DOK4: variants seen among roughly 807,000 people sequenced by gnomAD.
The protein encoded by DOK4 is docking protein 4, also known as downstream of tyrosine kinase 4.
In DOK4, 26 loss-of-function variants were observed where a neutral mutation model predicts 40.1. The ratio of observed to expected loss-of-function variants is 0.65; its 90% CI spans 0.48 to 0.90. The LOEUF is 0.90. Ranked by LOEUF, DOK4 falls within the 40% of genes least tolerant of loss-of-function variation. DOK4 has a pLI of 0.00. For missense variants in DOK4, 392 were observed against 437.2 expected, an observed-to-expected ratio of 0.90 and a Z score of 0.92; for synonymous variants, 179 against 177.0, an observed-to-expected ratio of 1.01 and a Z score of -0.09.
chr16:57,475,223 A>C lies in DOK4; in HGVS notation c.290-4T>G. On this transcript the variant is annotated splice_region_variant and splice_polypyrimidine_tract_variant and intron_variant, in intron 4 of 8. Transcript: ENST00000340099. ...TACCACTCCTCTGCCTCTAGCTCTG[A>C]AGAAAATGCTACTTCATCATGCAGC... 6.2e-7 allele frequency: 1 copy of C among 1,611,430 alleles called. No homozygotes were observed. The highest frequency in any genetic ancestry group is 1.1e-5 in the South Asian group (1 of 90,924).
chr16:57,484,914 G>A (rs763388705), intron 1 of DOK4, among the ~76,000 whole-genome samples: 54 of 152,356 alleles, frequency 3.5e-4, no homozygotes, highest in South Asian at 1.7e-3. Flanking sequence ...CTCCCTGGTG[G>A]CTCGGCCTCG....
At chr16:57,480,642 T>C (rs1189676762) in intron 1 of DOK4, among the ~76,000 whole-genome samples, 2 of 152,076 alleles carry the variant, frequency 1.3e-5, no homozygotes, top group Non-Finnish European at 2.9e-5. Context: ...GTCAGGGCCC[T>C]GGGGCAACAA....
exon 3 of DOK4, chr16:57,475,935 A>G: frequency 1.9e-6 from 3 of 1,612,056 alleles, no homozygotes; most frequent in Non-Finnish European, 2.5e-6. Context: ...TTTCCGGAAC[A>G]CCAGCCAGCA....
chr16:57,475,468 C>T, intron 4 of DOK4, 38 bp downstream of exon 4: 1 of 1,557,638 alleles, frequency 6.4e-7, no homozygotes, highest in Non-Finnish European at 8.7e-7. Flanking sequence ...CAAGACCACC[C>T]CAGGGGAGGC....
intron 2 of DOK4, among the ~76,000 whole-genome samples, chr16:57,476,773 T>TG (rs1362721774): frequency 6.6e-6 from 1 of 152,204 alleles, no homozygotes; most frequent in East Asian, 1.9e-4. Context: ...CCACTGCTGA[T>TG]GCCCCTGTAC....
chr16:57,486,138 G>T (rs537857348), intron 1 of DOK4, among the ~76,000 whole-genome samples, 167 bp downstream of exon 1: 6 of 152,124 alleles, frequency 3.9e-5, no homozygotes, highest in South Asian at 2.1e-4. Flanking sequence ...CTGGCTTTTG[G>T]GGGGCGGGTC....
At position 57,479,886 on chromosome 16, in the gene DOK4, G is replaced by A. The variant is rs747654590; in HGVS notation, c.-181-198C>T. On this transcript the variant is annotated intron_variant, in intron 1 of 8. Transcript: ENST00000340099. The surrounding 1 kb of genome is among the most constrained non-coding windows in gnomAD (Gnocchi z 5.8). The stretch of plus-strand genomic sequence containing the variant: ...CATTCAGGAAAACCGAGGTGGAGGC[G>A]GCAGTGAGGAAAATGGTCCAGCCCA... The A allele has an allele frequency of 5.9e-5, 12 of 202,640 alleles. No homozygotes were observed. Among genetic ancestry groups the A allele is most frequent in the Non-Finnish European group, 7.1e-5 (7 of 98,752 alleles). 12.6% of individuals were successfully genotyped at this position (202,640 alleles called of 1,614,324 possible).
At chr16:57,482,052 G>C (rs1235809417) in intron 1 of DOK4, among the ~76,000 whole-genome samples, 1 of 152,146 alleles carries the variant, frequency 6.6e-6, no homozygotes, top group Admixed American at 6.5e-5. Flanking sequence ...TTTTAGTAGA[G>C]ACGGGGTTTC....
chr16:57,475,254 A>G (rs2031096586), intron 4 of DOK4, 35 bp from the exon 5 acceptor site: 7 of 1,594,988 alleles, frequency 4.4e-6, no homozygotes, highest in Non-Finnish European at 6.0e-6. Flanking sequence ...GCAGCTCCAG[A>G]GCCCGGTAGC....
exon 9 of DOK4, chr16:57,473,327 C>A (rs201543744): frequency 6.4e-7 from 1 of 1,574,216 alleles, no homozygotes. Flanking sequence ...CTGCAGCCAG[C>A]CCCGCAGCAG....
chr16:57,485,644 T>C lies in DOK4; in HGVS notation c.-182+661A>G, dbSNP rs371039502. On this transcript the variant is annotated intron_variant, in intron 1 of 8. Coordinates refer to ENST00000340099, the Ensembl canonical transcript of DOK4. The surrounding 1 kb of genome is among the most constrained non-coding windows in gnomAD (Gnocchi z 4.3). The stretch of plus-strand genomic sequence containing the variant: ...GGGCAGGCAGGCTGCACAGAGCCCC[T>C]GCTCTGCCACATCACCCAGGTGCCC... 7.2e-5 allele frequency among the ~76,000 whole-genome samples: 11 copies of C among 152,288 alleles called. No individual in the cohort carries two copies. In the East Asian group the frequency reaches 2.1e-3, roughly 29 times the overall value.
chr16:57,482,256 G>T (rs2031435624), intron 1 of DOK4, among the ~76,000 whole-genome samples: 1 of 152,102 alleles, frequency 6.6e-6, no homozygotes, highest in African/African-American at 2.4e-5. Flanking sequence ...CAACCACCCA[G>T]GCTCAAGTGA....
At chr16:57,475,433 G>A in intron 4 of DOK4, 73 bp downstream of exon 4, 2 of 1,454,874 alleles carry the variant, frequency 1.4e-6, no homozygotes, top group Non-Finnish European at 1.9e-6. Flanking sequence ...GCCCTGCTCT[G>A]CCCGCTCCTA....
exon 9 of DOK4, chr16:57,473,168 C>T (rs1355968925): frequency 1.9e-5 from 12 of 645,404 alleles, no homozygotes; most frequent in Non-Finnish European, 3.2e-5. Flanking sequence ...TATATAGTCC[C>T]ACGGTAGCTC....
chr16:57,473,273 T>C, exon 9 of DOK4: 2 of 1,465,316 alleles, frequency 1.4e-6, no homozygotes, highest in South Asian at 2.8e-5. Context: ...GCTCCCTTTC[T>C]CCAGGCTCTT....
At chr16:57,475,722 CCTT>C (rs2031142443) in intron 3 of DOK4, 102 bp from the exon 4 acceptor site, 5 of 706,956 alleles carry the variant, frequency 7.1e-6, no homozygotes, top group Non-Finnish European at 1.1e-5. Context: ...CCCCCCTCCT[CCTT>C]CTCTCTCCTC....
chr16:57,484,187 G>A (rs1360902676), intron 1 of DOK4: 3 of 152,754 alleles, frequency 2.0e-5, no homozygotes, highest in Non-Finnish European at 2.9e-5. Context: ...GGCAACCAAT[G>A]ACTGAGCGAG....
chr16:57,482,444 G>A (rs2031445037), intron 1 of DOK4, among the ~76,000 whole-genome samples: 2 of 128,222 alleles, frequency 1.6e-5, no homozygotes, highest in Admixed American at 1.9e-4. Context: ...TCGGCTCATT[G>A]CAAGCTCCGC....
In DOK4 at chr16:57,475,498, C is replaced by T. The variant is rs369883689; in HGVS notation, c.289+8G>A. On this transcript the variant is annotated splice_region_variant and intron_variant, in intron 4 of 8. Coordinates refer to ENST00000340099, the Ensembl canonical transcript of DOK4. Reference sequence around the variant, plus strand: ...GGAGGCAGATGGAGGCCCATACTCGCGCCTCACCTGAGTCGCAGGTGAAGG... The same window carrying T: ...GGAGGCAGATGGAGGCCCATACTCGTGCCTCACCTGAGTCGCAGGTGAAGG... 6.9e-6 allele frequency: 11 copies of T among 1,595,546 alleles called. No individual in the cohort carries two copies. The highest frequency in any genetic ancestry group is 2.3e-5 in the East Asian group (1 of 44,362).
Sources: gnomAD v4.1 joint callset for allele counts (sites outside exome capture counted in the v4.1 genomes callset) on GRCh38, gnomAD v4.1.1 for gene constraint, Gnocchi (gnomAD v3.1) non-coding constraint, MANE v1.5 for transcripts, NCBI Gene and HGNC (gene_info 2026-07-23, HGNC 2026-07-21) for gene names.